Variants in ALG13 observed in about 807,000 individuals in gnomAD.
ALG13 encodes ALG13 UDP-N-acetylglucosaminyltransferase subunit.
ALG13 carries 11 observed loss-of-function variants against 87.8 expected under a neutral mutation model. The ratio of observed to expected loss-of-function variants is 0.13; its 90% CI spans 0.08 to 0.21. ALG13 has a LOEUF of 0.21. Among genes scored for constraint, ALG13 ranks in the 10% least tolerant of loss-of-function variants. The probability of loss-of-function intolerance (pLI) is 1.00; values close to 1 mark genes in which losing one functional copy is unlikely to be tolerated. For synonymous variants in ALG13, 320 were observed against 306.3 expected, an observed-to-expected ratio of 1.04 and a Z score of -0.47; for missense variants, 756 against 866.1, an observed-to-expected ratio of 0.87 and a Z score of 1.60.
At chrX:111,681,329 T>G (rs1479897746) in intron 1 of ALG13, 30 bp downstream of exon 1, 1 of 1,208,624 alleles carries the variant, frequency 8.3e-7, no homozygotes, top group East Asian at 3.0e-5. Context: ...AGGCGGCGGC[T>G]TGGCTCGCCA....
chrX:111,681,800 G>C lies in ALG13; in HGVS notation c.82-332G>C. On this transcript the variant is annotated intron_variant, in intron 1 of 26. Transcript: ENST00000394780. ...CTCCTCAGCGCGCGTCGTCCCCTCA[G>C]GGCTCCCGGTTCTCGCAGTTGATCA... The C allele has an allele frequency of 4.7e-6, 4 of 844,655 alleles. No individual in the cohort carries two copies. In the South Asian group the frequency reaches 1.7e-4, roughly 36 times the overall value. 69.6% of individuals were successfully genotyped at this position (844,655 alleles called of 1,213,427 possible). A position where few individuals can be genotyped will look rare whatever the true frequency, so the allele number is the denominator to read the frequency against.
intron 24 of ALG13, among the ~76,000 whole-genome samples, chrX:111,749,150 T>C (rs764950422): frequency 8.9e-6 from 1 of 111,839 alleles, no homozygotes; most frequent in African/African-American, 3.3e-5. Context: ...AAAGTCGTTA[T>C]GATTGTTTCC....
intron 10 of ALG13, among the ~76,000 whole-genome samples, chrX:111,718,546 A>G (rs1419761981): frequency 1.8e-5 from 2 of 111,774 alleles, no homozygotes; most frequent in Non-Finnish European, 3.8e-5. Flanking sequence ...CTTTAGTTGT[A>G]TAAGAATTAT....
Position 111,682,046 on chromosome X carries a change from C to G in ALG13, c.82-86C>G, listed in dbSNP as rs1358268228. 54 of 946,194 alleles carry G rather than the reference C, an allele frequency of 5.7e-5. No individual in the cohort carries two copies. The Admixed American group carries it at 1.9e-3, about 34-fold the overall frequency. The allele number at this position is 946,194 out of a possible 1,213,427, so 78.0% of individuals were successfully genotyped here. A position where few individuals can be genotyped will look rare whatever the true frequency, so the allele number is the denominator to read the frequency against. ...TTTGGCGGCCGTGCTCCGATGTTAA[C>G]GTCAAACTTTAGTAGTGGTGGTGGT... On this transcript the variant is annotated intron_variant, in intron 1 of 26. Transcript: ENST00000394780.
At chrX:111,758,868 G>A (rs936683519) in intron 26 of ALG13, among the ~76,000 whole-genome samples, 4 of 111,712 alleles carry the variant, frequency 3.6e-5, no homozygotes, top group African/African-American at 1.3e-4. Context: ...GGGAGGCTGT[G>A]GCAGGTGGAT....
intron 24 of ALG13, among the ~76,000 whole-genome samples, chrX:111,747,512 A>C (rs1424472038): frequency 9.0e-6 from 1 of 111,596 alleles, no homozygotes; most frequent in Non-Finnish European, 1.9e-5. Flanking sequence ...AGAGAGATGG[A>C]GTCTTGCTCT....
chrX:111,716,603 A>G (rs993863023), intron 8 of ALG13, among the ~76,000 whole-genome samples: 1 of 109,576 alleles, frequency 9.1e-6, no homozygotes, highest in African/African-American at 3.5e-5. Context: ...CTTATAACTT[A>G]AACTTTACTG....
chrX:111,723,670 G>T, intron 13 of ALG13, 128 bp from the exon 14 acceptor site: 1 of 442,205 alleles, frequency 2.3e-6, no homozygotes, highest in South Asian at 4.0e-5. Context: ...CATTGATCCA[G>T]ACTGGCAGTG....
intron 11 of ALG13, among the ~76,000 whole-genome samples, chrX:111,721,017 T>C (rs1941339671): frequency 9.3e-6 from 1 of 107,458 alleles, no homozygotes; most frequent in African/African-American, 3.4e-5. Context: ...GCAAAATTTA[T>C]TGTGCGATTT....
Position 111,686,249 on chromosome X carries a change from T to G in ALG13, c.383+1146T>G, listed in dbSNP as rs187358835. On this transcript the variant is annotated intron_variant, in intron 3 of 26. Transcript: ENST00000394780. ...TGCAAGAAGTAAATGCCTCATAGAA[T>G]TACTATATATGTGTATATATATATT... 478 of 529,438 alleles carry G rather than the reference T, an allele frequency of 9.0e-4. No homozygotes were observed. In the African/African-American group the frequency reaches 0.01, roughly 11 times the overall value. The allele number at this position is 529,438 out of a possible 1,213,427, so 43.6% of individuals were successfully genotyped here. A position where few individuals can be genotyped will look rare whatever the true frequency, so the allele number is the denominator to read the frequency against.
chrX:111,751,052 G>A (rs1177452791), intron 24 of ALG13, among the ~76,000 whole-genome samples: 1 of 105,280 alleles, frequency 9.5e-6, no homozygotes, highest in Non-Finnish European at 1.9e-5. Flanking sequence ...CTACAGTATA[G>A]TGTATAAGCA....
chrX:111,710,121 C>T (rs950506348), intron 5 of ALG13, among the ~76,000 whole-genome samples: 14 of 108,948 alleles, frequency 1.3e-4, no homozygotes, highest in Non-Finnish European at 1.7e-4. Context: ...CCTCTGCCTA[C>T]GAGGCTGAAG....
At chrX:111,754,007 C>T (rs1417227777) in intron 25 of ALG13, among the ~76,000 whole-genome samples, 8 of 111,645 alleles carry the variant, frequency 7.2e-5, no homozygotes, top group African/African-American at 2.0e-4. Flanking sequence ...TGATGAACAT[C>T]GATGTGAAAA....
chrX:111,720,160 A>G lies in ALG13; in HGVS notation c.1316A>G (p.Glu439Gly). ...NIPEGYNKGT[E>G]ETKSPENPSK... Reference sequence around the variant, plus strand: ...CCAGAGGGCTACAATAAAGGAACAGAAGAAACAAAGGTTTGATATTTTCTA... The same window carrying G: ...CCAGAGGGCTACAATAAAGGAACAGGAGAAACAAAGGTTTGATATTTTCTA... The change falls in exon 11 of 27, where the codon GAA becomes GGA. Residue 439 changes from glutamate to glycine, a missense_variant. Physicochemically the swap from Glu to Gly is moderately conservative, Grantham distance 98 (BLOSUM62 -2). Around this residue, in one of 9 missense-constraint regions of ALG13, gnomAD observed 48 missense variants for 50.5 expected, o/e 0.95. Transcript: ENST00000394780. The G allele has an allele frequency of 8.5e-7, 1 of 1,178,101 alleles. No individual in the cohort carries two copies. The highest frequency in any genetic ancestry group is 2.0e-5 in the South Asian group (1 of 51,266).
At chrX:111,703,185 GTCATCATCATCATCA>G (rs747566924) in intron 3 of ALG13, among the ~76,000 whole-genome samples, 8 of 107,836 alleles carry the variant, frequency 7.4e-5, no homozygotes, top group African/African-American at 1.7e-4. Flanking sequence ...TTTTTATATT[GTCATCATCATCATCA>G]TCATCATCAT....
intron 24 of ALG13, among the ~76,000 whole-genome samples, chrX:111,749,659 C>CT (rs1161624680): frequency 2.7e-3 from 282 of 102,981 alleles, no homozygotes; most frequent in Middle Eastern, 4.9e-3. Flanking sequence ...GGTTTCTCAA[C>CT]TTTTTTTTTT....
chrX:111,681,534 C>G (rs1933179386), intron 1 of ALG13: 1 of 986,251 alleles, frequency 1.0e-6, no homozygotes, highest in Non-Finnish European at 1.3e-6. Context: ...GGCCGCTCCT[C>G]TCCCTCATTT....
At chrX:111,733,223 C>T (rs1942892906) in intron 21 of ALG13, among the ~76,000 whole-genome samples, 1 of 111,241 alleles carries the variant, frequency 9.0e-6, no homozygotes, top group Non-Finnish European at 1.9e-5. Context: ...TCTGAGATTT[C>T]AGTGCACCCA....
intron 8 of ALG13, among the ~76,000 whole-genome samples, chrX:111,715,250 G>T (rs1365749344): frequency 9.0e-6 from 1 of 111,604 alleles, no homozygotes; most frequent in Non-Finnish European, 1.9e-5. Flanking sequence ...CCAGCACTTG[G>T]GTATTTTCAT....
Sources: gnomAD v4.1 joint callset for allele counts (sites outside exome capture counted in the v4.1 genomes callset) on GRCh38, gnomAD v4.1.1 for gene constraint, gnomAD v4.1.1 regional missense constraint, MANE v1.5 for transcripts, NCBI Gene and HGNC (gene_info 2026-07-23, HGNC 2026-07-21) for gene names.